The following PPP4R2 variants were observed in gnomAD, a reference collection of about 807,000 sequenced individuals.
PPP4R2 encodes protein phosphatase 4 regulatory subunit 2.
A neutral mutation model predicts 47.2 loss-of-function variants in PPP4R2; 13 were observed. The observed-to-expected ratio is 0.28, with a 90% CI of 0.18 to 0.44. The LOEUF (loss-of-function observed/expected upper bound fraction) is 0.44, where lower values mean the gene tolerates loss of function less well. Among genes scored for constraint, PPP4R2 ranks in the 20% least tolerant of loss-of-function variants. PPP4R2 has a pLI of 1.00. For missense variants in PPP4R2, 421 were observed against 491.2 expected, an observed-to-expected ratio of 0.86 and a Z score of 1.35; for synonymous variants, 151 against 163.3, an observed-to-expected ratio of 0.92 and a Z score of 0.57.
At chr3:73,038,195 G>T (rs191655153) in intron 2 of PPP4R2, among the ~76,000 whole-genome samples, 119 of 152,248 alleles carry the variant, frequency 7.8e-4, no homozygotes, top group African/African-American at 2.8e-3. Context: ...TTTCAGGGAG[G>T]AAGGTAGATC....
At chr3:73,064,238 G>C in intron 7 of PPP4R2, 92 bp downstream of exon 7, 2 of 1,142,636 alleles carry the variant, frequency 1.8e-6, no homozygotes, top group Non-Finnish European at 2.5e-6. Flanking sequence ...TATAAGTTCT[G>C]AGGGACAGAA....
chr3:73,011,217 C>T (rs763675919), intron 2 of PPP4R2, among the ~76,000 whole-genome samples: 9 of 152,158 alleles, frequency 5.9e-5, no homozygotes, highest in South Asian at 2.1e-4. Context: ...CGGTGGCTCA[C>T]GCCTGTAATC....
rs76777800 is a variant in PPP4R2 at position 73,017,935 on chromosome 3, C to T, written c.116+19777C>T. Among the ~76,000 whole-genome samples the T allele has an allele frequency of 9.0e-3, 1,365 of 152,098 alleles. 15 individuals are homozygous for T. Among genetic ancestry groups the T allele is most frequent in the Middle Eastern group, 0.041 (12 of 294 alleles). On this transcript the variant is annotated intron_variant, in intron 2 of 8. Coordinates refer to ENST00000356692, the MANE Select transcript of PPP4R2 (RefSeq NM_174907.4). ...TAGAGACAGGGTTTCACCATGTTGGCCAGGCTCATACCAGCATGTTTTAAT... is the reference window on the plus strand; with the variant it reads ...TAGAGACAGGGTTTCACCATGTTGGTCAGGCTCATACCAGCATGTTTTAAT...
chr3:73,022,022 A>G (rs997026536), intron 2 of PPP4R2, among the ~76,000 whole-genome samples: 1 of 150,776 alleles, frequency 6.6e-6, no homozygotes, highest in Non-Finnish European at 1.5e-5. Context: ...TTAGGTTCCC[A>G]AGTAGCTGGG....
intron 2 of PPP4R2, among the ~76,000 whole-genome samples, chr3:73,011,736 A>C (rs1452909096): frequency 6.6e-6 from 1 of 152,054 alleles, no homozygotes; most frequent in African/African-American, 2.4e-5. Flanking sequence ...TTGTAGAGAC[A>C]TAAATTTGAA....
At chr3:73,036,251 G>C (rs759786779) in intron 2 of PPP4R2, among the ~76,000 whole-genome samples, 3 of 152,126 alleles carry the variant, frequency 2.0e-5, no homozygotes, top group African/African-American at 4.8e-5. Context: ...TGAGAAGGGT[G>C]GGGGGCCAGG....
At chr3:73,016,726 A>ATTCTTTC (rs1358835934) in intron 2 of PPP4R2, among the ~76,000 whole-genome samples, 3 of 80,272 alleles carry the variant, frequency 3.7e-5, no homozygotes, top group African/African-American at 1.1e-4. Context: ...TTATTGGTTC[A>ATTCTTTC]TTGTTTATTT....
chr3:73,018,968 TTA>T (rs1491472004), intron 2 of PPP4R2, among the ~76,000 whole-genome samples: 1 of 152,174 alleles, frequency 6.6e-6, no homozygotes, highest in Non-Finnish European at 1.5e-5. Context: ...GGGGCTGAAC[TTA>T]TGTTACTCAG....
intron 3 of PPP4R2, among the ~76,000 whole-genome samples, chr3:73,054,068 C>A (rs1418542988): frequency 2.6e-5 from 4 of 152,094 alleles, no homozygotes; most frequent in Non-Finnish European, 2.9e-5. Context: ...AGGCATGCAT[C>A]AACCATGCCC....
chr3:73,010,416 C>T (rs1701698905), intron 2 of PPP4R2, among the ~76,000 whole-genome samples: 1 of 152,098 alleles, frequency 6.6e-6, no homozygotes, highest in Non-Finnish European at 1.5e-5. Flanking sequence ...TATTGAGAGG[C>T]TCTGTAGAGT....
chr3:73,032,673 G>A (rs953018429), intron 2 of PPP4R2, among the ~76,000 whole-genome samples: 1 of 152,038 alleles, frequency 6.6e-6, no homozygotes, highest in Non-Finnish European at 1.5e-5. Context: ...CTTAATGTCT[G>A]ATTTCTTAGT....
chr3:73,062,585 C>A, intron 5 of PPP4R2: 1 of 1,613,978 alleles, frequency 6.2e-7, no homozygotes, highest in South Asian at 1.1e-5. Flanking sequence ...CTAGCAGATT[C>A]AAAGATATGC....
intron 2 of PPP4R2, among the ~76,000 whole-genome samples, chr3:72,998,370 A>G (rs866616701): frequency 1.3e-5 from 2 of 152,204 alleles, no homozygotes; most frequent in Non-Finnish European, 2.9e-5. Context: ...AAACCTGTGT[A>G]TGTTAAAATT....
At chr3:73,015,868 G>A in intron 2 of PPP4R2, 3 of 399,928 alleles carry the variant, frequency 7.5e-6, no homozygotes, top group South Asian at 5.1e-5. Flanking sequence ...TCGATCTCCT[G>A]ACCTCGTGAT....
intron 2 of PPP4R2, among the ~76,000 whole-genome samples, chr3:73,028,394 A>G (rs969642911): frequency 3.3e-5 from 5 of 151,880 alleles, no homozygotes; most frequent in Non-Finnish European, 7.4e-5. Flanking sequence ...AGAAGGTGAC[A>G]TTTGATCGAG....
chr3:73,068,588 C>T lies in PPP4R2; in HGVS notation c.*2866C>T, dbSNP rs1050297670. On this transcript the variant is annotated 3_prime_UTR_variant, in exon 9 of 9. Transcript: ENST00000356692. The stretch of plus-strand genomic sequence containing the variant: ...CGTGTGTTTTGGAGTAGTGGAATTG[C>T]CAGCCAGGCCCTGTGGCTTGGAAAG... The T allele has an allele frequency of 2.6e-5, 4 of 152,184 alleles. No homozygotes were observed. Among genetic ancestry groups the T allele is most frequent in the African/African-American group, 7.2e-5 (3 of 41,444 alleles). 9.4% of individuals were successfully genotyped at this position (152,184 alleles called of 1,614,324 possible). A position where few individuals can be genotyped will look rare whatever the true frequency, so the allele number is the denominator to read the frequency against.
chr3:73,007,999 CTA>C (rs1559547533), intron 2 of PPP4R2, among the ~76,000 whole-genome samples: 1 of 148,336 alleles, frequency 6.7e-6, no homozygotes. Context: ...AGTGGAAAGA[CTA>C]TTACAGATAA....
chr3:72,998,813 A>T (rs1037520818), intron 2 of PPP4R2, among the ~76,000 whole-genome samples: 1 of 152,100 alleles, frequency 6.6e-6, no homozygotes, highest in Non-Finnish European at 1.5e-5. Flanking sequence ...ATTGTTTTGC[A>T]GTTTGTGTGG....
chr3:73,017,652 G>A (rs867219141), intron 2 of PPP4R2, among the ~76,000 whole-genome samples: 2 of 151,968 alleles, frequency 1.3e-5, no homozygotes, highest in Non-Finnish European at 2.9e-5. Flanking sequence ...TCATATATAT[G>A]CATTTTGGAA....
Sources: allele counts gnomAD v4.1 joint callset (sites outside exome capture counted in the v4.1 genomes callset), GRCh38; gene constraint gnomAD v4.1.1; transcripts MANE v1.5; gene names NCBI Gene and HGNC (gene_info 2026-07-23, HGNC 2026-07-21).